Variants in PIGG observed in about 807,000 individuals in gnomAD.
The protein encoded by PIGG is phosphatidylinositol glycan anchor biosynthesis class G (EMM blood group).
In PIGG, 70 loss-of-function variants were observed where a neutral mutation model predicts 83.2. The observed-to-expected ratio is 0.84, with a 90% confidence interval of 0.69 to 1.03. The LOEUF (loss-of-function observed/expected upper bound fraction) is 1.03, where lower values mean the gene tolerates loss of function less well. Among genes scored for constraint, PIGG ranks in the 50% least tolerant of loss-of-function variants. PIGG has a pLI of 0.00. For missense variants in PIGG, 1,257 were observed against 1,233.6 expected (o/e 1.02, Z -0.28); for synonymous variants, 532 against 519.5 (o/e 1.02, Z -0.33).
intron 6 of PIGG, among the ~76,000 whole-genome samples, chr4:520,660 A>C (rs1420276106): frequency 6.6e-6 from 1 of 152,224 alleles, no homozygotes. Context: ...CTGACTGTTG[A>C]CATAATGCAT....
In PIGG at chr4:508,988, T is replaced by C. The variant is rs781959103; in HGVS notation, c.901+18T>C. ...GAAACCCGGTGAGAATTTAGGAATG[T>C]TAACAGTTGGAAATTGTATTACATT... is the stretch of plus-strand genomic sequence containing the variant. On this transcript the variant is annotated intron_variant, in intron 5 of 12. Transcript: ENST00000453061. 1.3e-6 allele frequency: 2 copies of C among 1,599,520 alleles called. No homozygotes were observed. Among genetic ancestry groups the C allele is most frequent in the African/African-American group, 2.7e-5 (2 of 74,412 alleles).
At chr4:526,141 C>A (rs534087452) in intron 9 of PIGG, among the ~76,000 whole-genome samples, 26 of 152,196 alleles carry the variant, frequency 1.7e-4, no homozygotes, top group Non-Finnish European at 3.2e-4. Context: ...CATATAATTT[C>A]TATGACAGTA....
chr4:530,777 C>T, intron 11 of PIGG, 32 bp downstream of exon 11: 1 of 1,359,482 alleles, frequency 7.4e-7, no homozygotes, highest in Non-Finnish European at 1.0e-6. Flanking sequence ...GGGTAGTAGA[C>T]TTCATGTTTT....
chr4:508,824 TAAAGG>T lies in PIGG; in HGVS notation c.760-3_761del. 1 of 1,613,568 alleles carries T rather than the reference TAAAGG, an allele frequency of 6.2e-7. No individual in the cohort carries two copies. The highest frequency in any genetic ancestry group is 8.5e-7 in the Non-Finnish European group (1 of 1,179,590). On this transcript the variant is annotated splice_acceptor_variant and splice_polypyrimidine_tract_variant and coding_sequence_variant and intron_variant, in exon 5 of 13. Transcript: ENST00000453061. LOFTEE classifies it high-confidence loss of function. ...CAGTTGAAATGTTTTTCCTTTGCCT[TAAAGG>T]AGAGAGAGACGCCTTTACCCAATTT...
In PIGG at chr4:527,293, C is replaced by T. The variant is rs185168002; in HGVS notation, c.2261+63C>T. On this transcript the variant is annotated intron_variant, in intron 10 of 12. Transcript: ENST00000453061. ...TTACTGTTTGAAGAACTGGCGGACA[C>T]GGGGCGCGTGGAACCACTTCACTGT... is the stretch of plus-strand genomic sequence containing the variant. The T allele has an allele frequency of 2.7e-3, 4,034 of 1,482,794 alleles. 26 individuals are homozygous for T. The highest frequency in any genetic ancestry group is 0.02 in the African/African-American group (1,387 of 69,732). The allele number at this position is 1,482,794 out of a possible 1,614,324, so 91.9% of individuals were successfully genotyped here.
chr4:504,368 G>A (rs1718859989), intron 2 of PIGG, among the ~76,000 whole-genome samples: 1 of 152,206 alleles, frequency 6.6e-6, no homozygotes, highest in South Asian at 2.1e-4. Context: ...CTGCAGCGTG[G>A]AGCTGGAAAG....
chr4:505,958 A>G lies in PIGG; in HGVS notation c.570+31A>G, dbSNP rs374253870. 2.6e-5 allele frequency: 37 copies of G among 1,410,650 alleles called. No individual in the cohort carries two copies. The African/African-American group carries it at 4.9e-4, about 19-fold the overall frequency. The allele number at this position is 1,410,650 out of a possible 1,614,324, so 87.4% of individuals were successfully genotyped here. A position where few individuals can be genotyped will look rare whatever the true frequency, so the allele number is the denominator to read the frequency against. On this transcript the variant is annotated intron_variant, in intron 3 of 12. Coordinates refer to ENST00000453061, the MANE Select transcript of PIGG (RefSeq NM_001127178.3). The stretch of plus-strand genomic sequence containing the variant: ...TTTTTAAAATAAGAAAATATATCAT[A>G]CTAGAATATCATACTAGATAGAGCC...
In PIGG at chr4:515,107, A is replaced by G. The variant is rs915465771; in HGVS notation, c.902-866A>G. Among the ~76,000 whole-genome samples the G allele has an allele frequency of 2.0e-5, 3 of 152,264 alleles. No homozygotes were observed. Among genetic ancestry groups the G allele is most frequent in the African/African-American group, 7.2e-5 (3 of 41,476 alleles). On this transcript the variant is annotated intron_variant, in intron 5 of 12. Coordinates refer to ENST00000453061, the MANE Select transcript of PIGG (RefSeq NM_001127178.3). The surrounding 1 kb of genome is among the most constrained non-coding windows in gnomAD (Gnocchi z 4.2). The stretch of plus-strand genomic sequence containing the variant: ...ACAAAAAACTTACCACAATCAAAGT[A>G]AAACCTCCCCAGACTCACACCTGAG...
intron 10 of PIGG, among the ~76,000 whole-genome samples, chr4:530,233 G>T (rs961692698): frequency 2.6e-5 from 4 of 152,164 alleles, no homozygotes; most frequent in African/African-American, 4.8e-5. Flanking sequence ...TGTGGCGGCG[G>T]CTCCTCAGGG....
intron 9 of PIGG, among the ~76,000 whole-genome samples, chr4:526,291 G>T (rs1727584990): frequency 6.6e-6 from 1 of 152,240 alleles, no homozygotes; most frequent in African/African-American, 2.4e-5. Flanking sequence ...CCCCCGTGTG[G>T]CCCCAGTCTC....
intron 5 of PIGG, among the ~76,000 whole-genome samples, chr4:512,504 G>C (rs1451148718): frequency 6.6e-6 from 1 of 151,814 alleles, no homozygotes; most frequent in Non-Finnish European, 1.5e-5. Flanking sequence ...TAACACCAGA[G>C]TTTCATTTGA....
intron 12 of PIGG, 45 bp from the exon 13 acceptor site, chr4:539,108 A>G: frequency 2.5e-6 from 3 of 1,210,688 alleles, no homozygotes; most frequent in Non-Finnish European, 3.7e-6. Flanking sequence ...CATGTGTGAT[A>G]TGTAAGTGGC....
At chr4:508,316 AG>A (rs2108810347) in intron 4 of PIGG, among the ~76,000 whole-genome samples, 1 of 152,328 alleles carries the variant, frequency 6.6e-6, no homozygotes, top group South Asian at 2.1e-4. Context: ...GTGTTCCAGG[AG>A]GACCAGCAGC....
intron 4 of PIGG, among the ~76,000 whole-genome samples, chr4:507,919 G>GTTCTGTGTCACTCTCTC (rs1720381798): frequency 6.6e-6 from 1 of 151,730 alleles, no homozygotes; most frequent in African/African-American, 2.4e-5. Context: ...GTCACTTTCT[G>GTTCTGTGTCACTCTCTC]TTCTGTGTCA....
rs1017818316 is a variant in PIGG at position 528,247 on chromosome 4, T to C, written c.2261+1017T>C. ...GTACCTGTTTTTTTTTTCATACTTATATGAAAGACTACATACTTAAAATAC... is the reference window on the plus strand; with the variant it reads ...GTACCTGTTTTTTTTTTCATACTTACATGAAAGACTACATACTTAAAATAC... On this transcript the variant is annotated intron_variant, in intron 10 of 12. Transcript: ENST00000453061. This position sits in a 1 kb window ranked among gnomAD's most constrained non-coding sequence, Gnocchi z 4.8. The C allele has an allele frequency of 5.6e-5, 55 of 983,892 alleles. No homozygotes were observed. The highest frequency in any genetic ancestry group is 5.2e-4 in the Middle Eastern group (1 of 1,932). The allele number at this position is 983,892 out of a possible 1,614,324, so 60.9% of individuals were successfully genotyped here.
chr4:499,327 G>A lies in PIGG; in HGVS notation c.-9G>A, dbSNP rs1361597047. ...GGGTCGGTTCCGCATCCAGCCTAGC[G>A]TGTCCACGATGCGGCTGGGCTCCGG... On this transcript the variant is annotated 5_prime_UTR_variant, in exon 1 of 13. It adds an upstream start codon to the 5' untranslated region. Transcript: ENST00000453061. The A allele has an allele frequency of 1.2e-6, 2 of 1,606,006 alleles. No homozygotes were observed. The highest frequency in any genetic ancestry group is 1.1e-5 in the South Asian group (1 of 90,874).
chr4:507,407 G>C lies in PIGG; in HGVS notation c.573G>C (p.Val191=). The part of the protein sequence containing the change: ...TSFFVSDYTE[V]DNNVTRHLDK... Reference sequence around the variant, plus strand: ...ATACGTGTGTTTCCCCTTCAAAGGTGGATAATAATGTCACGAGGCATTTGG... The same window carrying C: ...ATACGTGTGTTTCCCCTTCAAAGGTCGATAATAATGTCACGAGGCATTTGG... The change falls in exon 4 of 13, where the codon GTG becomes GTC. Residue 191 remains valine (V), a splice_region_variant and synonymous_variant. Transcript: ENST00000453061. 1.2e-6 allele frequency: 2 copies of C among 1,607,436 alleles called. No homozygotes were observed. The highest frequency in any genetic ancestry group is 1.7e-6 in the Non-Finnish European group (2 of 1,175,120).
chr4:527,505 T>G, intron 10 of PIGG: 1 of 1,218,590 alleles, frequency 8.2e-7, no homozygotes, highest in Non-Finnish European at 1.0e-6. Flanking sequence ...TTTTTAAATT[T>G]AAAATAAAAC....
At chr4:535,318 C>T (rs1439580230) in intron 12 of PIGG, among the ~76,000 whole-genome samples, 1 of 150,048 alleles carries the variant, frequency 6.7e-6, no homozygotes, top group Non-Finnish European at 1.5e-5. Context: ...CTAGTGGCCC[C>T]TGCGGCATCT....
Sources: allele counts gnomAD v4.1 joint callset (sites outside exome capture counted in the v4.1 genomes callset), GRCh38; gene constraint gnomAD v4.1.1; non-coding constraint Gnocchi (gnomAD v3.1); transcripts MANE v1.5; gene names NCBI Gene and HGNC (gene_info 2026-07-23, HGNC 2026-07-21).